The following IGF2BP3 variants were observed in gnomAD, a reference collection of about 807,000 sequenced individuals.
IGF2BP3 encodes the protein insulin-like growth factor 2 mRNA-binding protein 3.
Under a neutral mutation model 73.8 loss-of-function variants are expected in IGF2BP3, and 9 were observed. That is an observed-to-expected ratio of 0.12 (90% CI 0.07 to 0.21). The LOEUF is 0.21. Ranked by LOEUF, IGF2BP3 falls within the 10% of genes least tolerant of loss-of-function variation. The pLI is 1.00. For missense variants in IGF2BP3, 542 were observed against 714.0 expected, an observed-to-expected ratio of 0.76 and a Z score of 2.75; for synonymous variants, 258 against 256.7, an observed-to-expected ratio of 1.01 and a Z score of -0.05.
intron 10 of IGF2BP3, among the ~76,000 whole-genome samples, chr7:23,330,932 G>C (rs1257738095): frequency 6.6e-6 from 1 of 152,002 alleles, no homozygotes; most frequent in Non-Finnish European, 1.5e-5. Flanking sequence ...CGAATAGCTG[G>C]AATTACAGGT....
chr7:23,434,217 A>G (rs1471116954), intron 2 of IGF2BP3, among the ~76,000 whole-genome samples: 1 of 152,164 alleles, frequency 6.6e-6, no homozygotes, highest in Non-Finnish European at 1.5e-5. Context: ...AAACCACTGT[A>G]TTTTGAATAC....
Position 23,351,357 on chromosome 7 carries a change from T to A in IGF2BP3, c.631A>T (p.Ile211Leu), listed in dbSNP as rs1284244961. Residue 211 changes from isoleucine to leucine, a missense_variant, in exon 6 of 15, where the codon ATA (isoleucine) becomes TTA (leucine). Physicochemically the swap from Ile to Leu is conservative, Grantham distance 5. Around this residue, in one of 2 missense-constraint regions of IGF2BP3, gnomAD observed 303 missense variants for 472.1 expected, o/e 0.64. Transcript: ENST00000258729. ...LVPTQFVGAI[I>L]GKEGATIRNI... ...CGAATGGTGGCACCTTCTTTTCCTA[T>A]GATGGCTCCAACAAATTGGGTGGGA... The A allele has an allele frequency of 5.0e-6, 8 of 1,613,944 alleles. No individual in the cohort carries two copies. The highest frequency in any genetic ancestry group is 6.8e-6 in the Non-Finnish European group (8 of 1,179,922).
Position 23,342,076 on chromosome 7 carries a change from G to A in IGF2BP3, c.1191C>T (p.Tyr397=). The change falls in exon 10 of 15, where the codon TAC becomes TAT. Residue 397 remains tyrosine, a synonymous_variant. Coordinates refer to ENST00000258729, the MANE Select transcript of IGF2BP3 (RefSeq NM_006547.3). ...SGPPSAMTPP[Y]PQFEQSETET... ...CCAGTTATCTTACCTCAAACTGCGG[G>A]TAGGGAGGAGTCATGGCTGAAGGGG... 1 of 1,582,606 alleles carries A rather than the reference G, an allele frequency of 6.3e-7. No homozygotes were observed. Among genetic ancestry groups the A allele is most frequent in the South Asian group, 1.2e-5 (1 of 85,910 alleles).
intron 3 of IGF2BP3, among the ~76,000 whole-genome samples, chr7:23,380,264 C>T (rs1166622632): frequency 2.7e-5 from 4 of 150,706 alleles, no homozygotes; most frequent in African/African-American, 7.3e-5. Flanking sequence ...CCCGGGTTCA[C>T]GCCATTCTCC....
At chr7:23,347,928 C>G (rs1217489960) in intron 6 of IGF2BP3, 194 bp from the exon 7 acceptor site, 3 of 553,982 alleles carry the variant, frequency 5.4e-6, no homozygotes, top group Non-Finnish European at 9.3e-6. Context: ...AGGAACATTC[C>G]CCTTTCTCTT....
chr7:23,341,959 G>T, intron 10 of IGF2BP3, 105 bp downstream of exon 10: 1 of 1,260,294 alleles, frequency 7.9e-7, no homozygotes. Context: ...CCATTAGCAA[G>T]AACTGGAGAG....
intron 5 of IGF2BP3, among the ~76,000 whole-genome samples, chr7:23,356,673 C>A (rs897162840): frequency 6.6e-6 from 1 of 152,106 alleles, no homozygotes; most frequent in African/African-American, 2.4e-5. Flanking sequence ...AGGTTTAACC[C>A]ATTATTGAAA....
intron 2 of IGF2BP3, among the ~76,000 whole-genome samples, chr7:23,441,295 C>A (rs541369169): frequency 1.3e-5 from 2 of 152,162 alleles, no homozygotes; most frequent in East Asian, 1.9e-4. Context: ...TATGTTAAGA[C>A]CAGGCACGGT....
intron 3 of IGF2BP3, among the ~76,000 whole-genome samples, chr7:23,417,910 A>G (rs555631907): frequency 2.6e-5 from 4 of 152,346 alleles, no homozygotes; most frequent in African/African-American, 7.2e-5. Flanking sequence ...CTTAATCTCA[A>G]TAATACTGTT....
intron 10 of IGF2BP3, among the ~76,000 whole-genome samples, chr7:23,320,947 C>CAAAAAAA (rs70966008): frequency 9.3e-5 from 9 of 96,456 alleles, no homozygotes; most frequent in Non-Finnish European, 1.6e-4. Flanking sequence ...AACTCTGTCT[C>CAAAAAAA]AAAAAAAAAA....
intron 3 of IGF2BP3, among the ~76,000 whole-genome samples, chr7:23,388,508 G>A (rs879264271): frequency 3.9e-5 from 6 of 152,070 alleles, no homozygotes; most frequent in African/African-American, 9.7e-5. Context: ...AAAAGGATAC[G>A]GGAGAAAAGG....
chr7:23,443,022 A>G (rs185773309), intron 2 of IGF2BP3, among the ~76,000 whole-genome samples: 54 of 152,012 alleles, frequency 3.6e-4, no homozygotes, highest in African/African-American at 1.3e-3. Flanking sequence ...AAAAAGTTAA[A>G]TATTAATACT....
At chr7:23,440,162 C>A (rs896552518) in intron 2 of IGF2BP3, among the ~76,000 whole-genome samples, 1 of 152,014 alleles carries the variant, frequency 6.6e-6, no homozygotes, top group African/African-American at 2.4e-5. Context: ...ACTCGGGAGG[C>A]TGAGGCAGGA....
chr7:23,357,856 GAGGAC>G (rs773180957), intron 5 of IGF2BP3, among the ~76,000 whole-genome samples: 7 of 152,164 alleles, frequency 4.6e-5, no homozygotes, highest in Non-Finnish European at 1.0e-4. Flanking sequence ...AGCCGTATTT[GAGGAC>G]TCTTCTTAAG....
At chr7:23,349,073 G>T (rs1440326388) in intron 6 of IGF2BP3, among the ~76,000 whole-genome samples, 5 of 152,028 alleles carry the variant, frequency 3.3e-5, no homozygotes, top group Admixed American at 1.3e-4. Flanking sequence ...GAGACGAATG[G>T]TAACTTTTTA....
chr7:23,327,963 A>C (rs1270842399), intron 10 of IGF2BP3, among the ~76,000 whole-genome samples: 2 of 152,132 alleles, frequency 1.3e-5, no homozygotes, highest in Non-Finnish European at 2.9e-5. Context: ...ATGCAGACTT[A>C]CCAGGAGGCC....
At chr7:23,427,946 T>C (rs1285858524) in intron 2 of IGF2BP3, among the ~76,000 whole-genome samples, 2 of 151,690 alleles carry the variant, frequency 1.3e-5, no homozygotes, top group African/African-American at 4.8e-5. Flanking sequence ...GCGGAGGTTG[T>C]AGTGAGCTGA....
intron 3 of IGF2BP3, among the ~76,000 whole-genome samples, chr7:23,407,079 T>A (rs1786855871): frequency 6.7e-6 from 1 of 149,534 alleles, no homozygotes. Flanking sequence ...ATTACTAGTA[T>A]CAGAATTAAA....
intron 3 of IGF2BP3, chr7:23,362,632 C>T (rs1190810788): frequency 1.3e-5 from 2 of 152,184 alleles, no homozygotes; most frequent in African/African-American, 4.8e-5. Flanking sequence ...AGATGTACGT[C>T]TCATCAATAT....
Sources: allele counts gnomAD v4.1 joint callset (sites outside exome capture counted in the v4.1 genomes callset), GRCh38; gene constraint gnomAD v4.1.1; regional missense constraint gnomAD v4.1.1; transcripts MANE v1.5; gene names NCBI Gene and HGNC (gene_info 2026-07-23, HGNC 2026-07-21).